Variants in TNRC6C observed in about 807,000 individuals in gnomAD.
TNRC6C encodes the protein trinucleotide repeat-containing gene 6C protein.
Under a neutral mutation model 153.7 loss-of-function variants are expected in TNRC6C, and 20 were observed. The observed-to-expected ratio is 0.13, with a 90% CI of 0.09 to 0.19. TNRC6C has a LOEUF of 0.19. TNRC6C is among the 10% of genes least tolerant of loss of function. The pLI is 1.00. For synonymous variants in TNRC6C, 811 were observed against 841.4 expected (o/e 0.96, Z 0.63); for missense variants, 1,987 against 2,172.0 (o/e 0.91, Z 1.69).
chr17:78,097,496 A>G (rs1326342763), intron 16 of TNRC6C, among the ~76,000 whole-genome samples: 2 of 152,198 alleles, frequency 1.3e-5, no homozygotes, highest in Non-Finnish European at 2.9e-5. Context: ...AAAGAAGCTC[A>G]TGCTGCTTCT....
At chr17:78,086,529 G>A (rs1018290788) in exon 12 of TNRC6C, 15 of 1,613,782 alleles carry the variant, frequency 9.3e-6, no homozygotes, top group Middle Eastern at 1.6e-4. Flanking sequence ...AAATCCAGCA[G>A]CAGATGTTAC....
intron 17 of TNRC6C, among the ~76,000 whole-genome samples, chr17:78,100,927 C>T (rs1330417091): frequency 1.3e-5 from 2 of 151,954 alleles, no homozygotes; most frequent in East Asian, 1.9e-4. Flanking sequence ...AGGTGCCTGC[C>T]ACCATGCCCA....
chr17:78,059,854 A>AAG (rs2072731296), intron 3 of TNRC6C, among the ~76,000 whole-genome samples: 1 of 149,208 alleles, frequency 6.7e-6, no homozygotes, highest in Admixed American at 6.7e-5. Flanking sequence ...CTCAAAAAAA[A>AAG]AAAAAAAAAG....
At chr17:78,073,729 A>G (rs138276293) in intron 7 of TNRC6C, among the ~76,000 whole-genome samples, 9 of 152,310 alleles carry the variant, frequency 5.9e-5, no homozygotes, top group African/African-American at 2.2e-4. Context: ...CAACCAATCA[A>G]TATATAACCT....
At chr17:78,003,117 G>T (rs2071437550), upstream of TNRC6C, among the ~76,000 whole-genome samples, 2 of 152,276 alleles carry the variant, frequency 1.3e-5, no homozygotes, top group South Asian at 4.2e-4. Context: ...AAAGCACCCT[G>T]GTGATCAGGT....
intron 1 of TNRC6C, among the ~76,000 whole-genome samples, chr17:78,025,908 C>G (rs1196106582): frequency 6.6e-6 from 1 of 152,168 alleles, no homozygotes; most frequent in Non-Finnish European, 1.5e-5. Context: ...ATGTCATGTT[C>G]TCTGGGCTTC....
chr17:78,075,425 C>A lies in TNRC6C; in HGVS notation c.3060+147C>A. On this transcript the variant is annotated intron_variant, in intron 8 of 19. Transcript: ENST00000301624. This position sits in a 1 kb window ranked among gnomAD's most constrained non-coding sequence, Gnocchi z 4.2. ...ATCCATTTTTTTCTAACATTATGAA[C>A]ATTTAACTCAAAGAAGGGAATGTCG... 2.2e-6 allele frequency: 2 copies of A among 918,054 alleles called. No homozygotes were observed. Among genetic ancestry groups the A allele is most frequent in the Non-Finnish European group, 3.2e-6 (2 of 628,610 alleles). The allele number at this position is 918,054 out of a possible 1,614,324, so 56.9% of individuals were successfully genotyped here. A position where few individuals can be genotyped will look rare whatever the true frequency, so the allele number is the denominator to read the frequency against.
At chr17:78,045,964 C>T (rs1208017052) in intron 2 of TNRC6C, among the ~76,000 whole-genome samples, 1 of 151,710 alleles carries the variant, frequency 6.6e-6, no homozygotes, top group African/African-American at 2.4e-5. Context: ...CATTCTGGTC[C>T]CCATCCCACC....
At chr17:78,012,369 G>A (rs2071649619) in intron 1 of TNRC6C, among the ~76,000 whole-genome samples, 1 of 152,130 alleles carries the variant, frequency 6.6e-6, no homozygotes, top group Admixed American at 6.6e-5. Flanking sequence ...AGGGAGAGGA[G>A]CAGAAAAGAT....
chr17:78,040,595 G>A (rs990101535), intron 2 of TNRC6C, among the ~76,000 whole-genome samples: 2 of 152,040 alleles, frequency 1.3e-5, no homozygotes, highest in African/African-American at 2.4e-5. Flanking sequence ...AAGAAGGAGC[G>A]GAAAACAAAG....
At chr17:78,050,805 C>A (rs369017367) in exon 3 of TNRC6C, 1 of 1,612,716 alleles carries the variant, frequency 6.2e-7, no homozygotes, top group Non-Finnish European at 8.5e-7. Context: ...AATCCCAACA[C>A]TGGGGAGATG....
intron 2 of TNRC6C, among the ~76,000 whole-genome samples, chr17:78,046,366 C>T (rs139436923): frequency 1.2e-4 from 18 of 152,054 alleles, no homozygotes; most frequent in African/African-American, 4.1e-4. Context: ...TAAGTAGAGA[C>T]GAGGTTTCAC....
At chr17:78,095,748 A>G (rs904624347) in intron 16 of TNRC6C, among the ~76,000 whole-genome samples, 9 of 152,228 alleles carry the variant, frequency 5.9e-5, no homozygotes, top group Non-Finnish European at 1.2e-4. Context: ...ATTGCTAACC[A>G]GAAAGCACTA....
intron 2 of TNRC6C, among the ~76,000 whole-genome samples, chr17:78,039,574 T>C (rs1348859632): frequency 6.6e-6 from 1 of 152,254 alleles, no homozygotes; most frequent in Non-Finnish European, 1.5e-5. Context: ...AATTTTGTAA[T>C]GGGCTGACAA....
intron 1 of TNRC6C, among the ~76,000 whole-genome samples, chr17:77,992,711 A>G (rs150478152): frequency 4.0e-4 from 61 of 152,310 alleles, no homozygotes; most frequent in African/African-American, 1.4e-3. Context: ...TGTCTAGTGC[A>G]TGACTACGTC....
chr17:77,999,888 G>A (rs555419792), upstream of TNRC6C, among the ~76,000 whole-genome samples: 35 of 152,324 alleles, frequency 2.3e-4, no homozygotes, highest in Middle Eastern at 6.8e-3. Context: ...GGAGTCTTAC[G>A]TAACACAGCC....
intron 3 of TNRC6C, among the ~76,000 whole-genome samples, chr17:78,063,699 A>G (rs1208315520): frequency 2.6e-5 from 4 of 152,216 alleles, no homozygotes; most frequent in Non-Finnish European, 5.9e-5. Context: ...GGGTGGTACC[A>G]TAGAAACTGT....
Position 78,069,961 on chromosome 17 carries a change from G to A in TNRC6C, c.2779-1124G>A, listed in dbSNP as rs573786222. The stretch of plus-strand genomic sequence containing the variant: ...TGAGTAGTGCCTCTTCGAGAGAACA[G>A]GAACTAAGCAAATGGGGTGGCATGA... On this transcript the variant is annotated intron_variant, in intron 5 of 19. Coordinates refer to ENST00000301624, the Ensembl canonical transcript of TNRC6C. Among the ~76,000 whole-genome samples the A allele has an allele frequency of 3.9e-5, 6 of 152,276 alleles. No homozygotes were observed. In the East Asian group the frequency reaches 1.2e-3, roughly 29 times the overall value.
chr17:78,092,488 C>T (rs572724328), intron 14 of TNRC6C, among the ~76,000 whole-genome samples: 1 of 152,328 alleles, frequency 6.6e-6, no homozygotes, highest in Non-Finnish European at 1.5e-5. Context: ...GGCAGCTTCC[C>T]ATGGTATGGA....
Sources: allele counts gnomAD v4.1 joint callset (sites outside exome capture counted in the v4.1 genomes callset), GRCh38; gene constraint gnomAD v4.1.1; non-coding constraint Gnocchi (gnomAD v3.1); transcripts MANE v1.5; gene names NCBI Gene and HGNC (gene_info 2026-07-23, HGNC 2026-07-21).